The following SMARCAL1 variants were observed in gnomAD, a reference collection of about 807,000 sequenced individuals.
SMARCAL1 encodes ATP-driven annealing helicase.
SMARCAL1 carries 58 observed loss-of-function variants against 94.5 expected under a neutral mutation model. The ratio of observed to expected loss-of-function variants is 0.61; its 90% confidence interval spans 0.50 to 0.76. The LOEUF is 0.76. Among genes scored for constraint, SMARCAL1 ranks in the 30% least tolerant of loss-of-function variants. The pLI is 0.00. For missense variants in SMARCAL1, 1,051 were observed against 1,177.9 expected, an observed-to-expected ratio of 0.89 and a Z score of 1.58; for synonymous variants, 422 against 455.1, an observed-to-expected ratio of 0.93 and a Z score of 0.93.
chr2:216,436,706 T>C (rs1401518228), intron 9 of SMARCAL1, among the ~76,000 whole-genome samples: 3 of 152,228 alleles, frequency 2.0e-5, no homozygotes, highest in Non-Finnish European at 4.4e-5. Context: ...ATGATGGGGA[T>C]GGCTCTACAG....
chr2:216,432,769 G>A lies in SMARCAL1; in HGVS notation c.1386G>A (p.Leu462=). 1 of 1,614,202 alleles carries A rather than the reference G, an allele frequency of 6.2e-7. No individual in the cohort carries two copies. The highest frequency in any genetic ancestry group is 8.5e-7 in the Non-Finnish European group (1 of 1,180,042). ...GRLLLADDMG[L]GKTIQAICIA... is the part of the protein sequence containing the mutation. ...TGCTGCTCGCTGACGACATGGGCCT[G>A]GGGAAGACCATCCAAGCCATCTGCA... is the stretch of plus-strand genomic sequence containing the variant. The change falls in exon 8 of 18, where the codon CTG becomes CTA. Residue 462 remains leucine (L), a synonymous_variant. Coordinates refer to ENST00000357276, the MANE Select transcript of SMARCAL1 (RefSeq NM_014140.4).
chr2:216,472,073 G>T (rs186780502), intron 14 of SMARCAL1, among the ~76,000 whole-genome samples: 1 of 152,264 alleles, frequency 6.6e-6, no homozygotes, highest in Admixed American at 6.5e-5. Flanking sequence ...TTGTCATGTT[G>T]TCCAGGCGCA....
At chr2:216,427,122 A>G (rs1693851581) in intron 6 of SMARCAL1, 2 of 152,198 alleles carry the variant, frequency 1.3e-5, no homozygotes, top group South Asian at 4.1e-4. Flanking sequence ...AAACATTAGC[A>G]TCTCTGCTAT....
At chr2:216,434,135 TA>T (rs2106035157) in intron 8 of SMARCAL1, among the ~76,000 whole-genome samples, 1 of 152,178 alleles carries the variant, frequency 6.6e-6, no homozygotes, top group Non-Finnish European at 1.5e-5. Context: ...CTGTAGAAAG[TA>T]ATCTTCAGAA....
At chr2:216,448,732 T>A (rs55671904) in intron 11 of SMARCAL1, among the ~76,000 whole-genome samples, 32,552 of 151,952 alleles carry the variant, frequency 0.21, 3,780 homozygotes, top group East Asian at 0.36. Context: ...CTCTGCAGGC[T>A]GAGGCACGAG....
intron 10 of SMARCAL1, among the ~76,000 whole-genome samples, chr2:216,445,271 G>C (rs755022333): frequency 6.6e-6 from 1 of 152,154 alleles, no homozygotes; most frequent in Non-Finnish European, 1.5e-5. Context: ...GCTGAGCTGG[G>C]AGCAGGCCAA....
chr2:216,434,851 A>ATTTTTT (rs11408208), intron 8 of SMARCAL1, among the ~76,000 whole-genome samples: 1 of 117,406 alleles, frequency 8.5e-6, no homozygotes, highest in African/African-American at 3.3e-5. Context: ...ACAACTCTCT[A>ATTTTTT]TTTTTTTTTT....
chr2:216,444,238 G>A (rs1694257563), intron 10 of SMARCAL1, among the ~76,000 whole-genome samples: 1 of 152,086 alleles, frequency 6.6e-6, no homozygotes, highest in African/African-American at 2.4e-5. Context: ...ATATGGTATT[G>A]TATAAATTTA....
chr2:216,467,502 G>A (rs1346043086), intron 13 of SMARCAL1, among the ~76,000 whole-genome samples: 2 of 149,032 alleles, frequency 1.3e-5, no homozygotes, highest in African/African-American at 5.0e-5. Flanking sequence ...AGGGTGGGAA[G>A]CTAAGAAAAA....
In SMARCAL1 at chr2:216,482,931, G is replaced by T; in HGVS notation, c.2819G>T (p.Arg940Ile). 1.9e-6 allele frequency: 3 copies of T among 1,614,234 alleles called. No individual in the cohort carries two copies. The highest frequency in any genetic ancestry group is 2.5e-6 in the Non-Finnish European group (3 of 1,180,032). The change falls in exon 18 of 18, where the codon AGA becomes ATA. Residue 940 changes from arginine to isoleucine, a missense_variant. Transcript: ENST00000357276. The surrounding 1 kb of genome is among the most constrained non-coding windows in gnomAD (Gnocchi z 4.3). ...ACAGCCAGTCCACAGAAGAAAAGGAGATTTGAATTTTTTGATAACTGGGAC... is the reference window on the plus strand; with the variant it reads ...ACAGCCAGTCCACAGAAGAAAAGGATATTTGAATTTTTTGATAACTGGGAC... ...SLTASPQKKRRFEFFDNWDSF... is the reference protein window; with the variant it reads ...SLTASPQKKRIFEFFDNWDSF...
intron 8 of SMARCAL1, 94 bp downstream of exon 8, chr2:216,432,962 T>G: frequency 1.3e-6 from 2 of 1,495,732 alleles, no homozygotes; most frequent in Non-Finnish European, 1.9e-6. Context: ...CTAGGGATCT[T>G]TAAGGATCCT....
Position 216,481,743 on chromosome 2 carries a change from G to A in SMARCAL1, c.2626-995G>A, listed in dbSNP as rs192748371. On this transcript the variant is annotated intron_variant, in intron 17 of 17. Transcript: ENST00000357276. ...TGGTCTCGAACTCCTGACCTCAGGC[G>A]ATCCATCCGCCTCGGCCTCCTAAAG... Among the ~76,000 whole-genome samples the A allele has an allele frequency of 1.0e-3, 152 of 152,200 alleles. 1 individual carries two copies. Among genetic ancestry groups the A allele is most frequent in the Non-Finnish European group, 1.7e-3 (119 of 68,012 alleles).
chr2:216,442,450 A>G (rs1037149698), intron 10 of SMARCAL1, among the ~76,000 whole-genome samples: 6 of 152,052 alleles, frequency 3.9e-5, no homozygotes, highest in Admixed American at 3.9e-4. Context: ...CAAACAATAC[A>G]AAAGGATGGA....
At chr2:216,442,739 T>C (rs1330006143) in intron 10 of SMARCAL1, among the ~76,000 whole-genome samples, 1 of 152,240 alleles carries the variant, frequency 6.6e-6, no homozygotes, top group African/African-American at 2.4e-5. Flanking sequence ...ATTGGATAAA[T>C]TTATCATAAT....
rs981214768 is a variant in SMARCAL1 at position 216,433,186 on chromosome 2, T to G, written c.1485+318T>G. On this transcript the variant is annotated intron_variant, in intron 8 of 17. Coordinates refer to ENST00000357276, the MANE Select transcript of SMARCAL1 (RefSeq NM_014140.4). ...CTGTACCACACTTAATTTTTTTTTA[T>G]TTTTCTTTTTTATTGTTTTTTAAAA... Among the ~76,000 whole-genome samples, 10 of 152,270 alleles carry G rather than the reference T, an allele frequency of 6.6e-5. No individual in the cohort carries two copies. The East Asian group carries it at 1.7e-3, about 27-fold the overall frequency.
chr2:216,423,543 T>C, intron 5 of SMARCAL1, 90 bp from the exon 6 acceptor site: 1 of 1,122,962 alleles, frequency 8.9e-7, no homozygotes. Flanking sequence ...TGAATGGAAG[T>C]TTATGAAACC....
intron 4 of SMARCAL1, among the ~76,000 whole-genome samples, chr2:216,419,287 G>A (rs1167963158): frequency 6.6e-6 from 1 of 152,202 alleles, no homozygotes; most frequent in Non-Finnish European, 1.5e-5. Context: ...TTGTGAAGGT[G>A]AACATTTCTT....
intron 12 of SMARCAL1, among the ~76,000 whole-genome samples, chr2:216,459,823 A>G (rs1694655994): frequency 1.3e-5 from 2 of 152,096 alleles, no homozygotes; most frequent in Admixed American, 6.5e-5. Flanking sequence ...ACAAAAGCCA[A>G]AATTGACAAA....
At position 216,414,896 on chromosome 2, in the gene SMARCAL1, A is replaced by C. The variant is rs750575107; in HGVS notation, c.192A>C (p.Pro64=). Reference sequence around the variant, plus strand: ...ATTTCCCAAGGGAGTCTTGTAAGCCAGTGAGCCATGGTGTCATTTTCAAGC... The same window carrying C: ...ATTTCCCAAGGGAGTCTTGTAAGCCCGTGAGCCATGGTGTCATTTTCAAGC... ...SQNFPRESCK[P]VSHGVIFKQQ... The change falls in exon 3 of 18, where the codon CCA becomes CCC. Residue 64 remains proline (P), a synonymous_variant. Coordinates refer to ENST00000357276, the MANE Select transcript of SMARCAL1 (RefSeq NM_014140.4). The C allele has an allele frequency of 9.9e-6, 16 of 1,614,256 alleles. No homozygotes were observed. Among genetic ancestry groups the C allele is most frequent in the Non-Finnish European group, 1.4e-5 (16 of 1,180,046 alleles).
Sources: allele counts gnomAD v4.1 joint callset (sites outside exome capture counted in the v4.1 genomes callset), GRCh38; gene constraint gnomAD v4.1.1; non-coding constraint Gnocchi (gnomAD v3.1); transcripts MANE v1.5; gene names NCBI Gene and HGNC (gene_info 2026-07-23, HGNC 2026-07-21).